Variants in ZFYVE26 observed in about 807,000 individuals in gnomAD.
The protein encoded by ZFYVE26 is zinc finger FYVE domain-containing protein 26.
ZFYVE26 carries 181 observed loss-of-function variants against 276.5 expected under a neutral mutation model. The ratio of observed to expected loss-of-function variants is 0.65; its 90% CI spans 0.58 to 0.74. The LOEUF (loss-of-function observed/expected upper bound fraction) is 0.74. Among genes scored for constraint, ZFYVE26 ranks in the 30% least tolerant of loss-of-function variants. The pLI is 0.00. For synonymous variants in ZFYVE26, 1,129 were observed against 1,203.1 expected (o/e 0.94, Z 1.27); for missense variants, 2,821 against 3,097.9 (o/e 0.91, Z 2.12).
At chr14:67,804,926 G>T (rs934853435) in intron 8 of ZFYVE26, among the ~76,000 whole-genome samples, 5 of 152,210 alleles carry the variant, frequency 3.3e-5, no homozygotes, top group African/African-American at 1.2e-4. Flanking sequence ...TCCATGTAAA[G>T]GGCTTAGAAC....
At chr14:67,789,197 T>C (rs2039742938) in intron 16 of ZFYVE26, 138 bp downstream of exon 16, 9 of 1,190,664 alleles carry the variant, frequency 7.6e-6, no homozygotes, top group South Asian at 2.5e-5. Context: ...TGCCATCAGA[T>C]TGTATGTGAC....
At chr14:67,791,034 A>C (rs1430245482) in intron 14 of ZFYVE26, among the ~76,000 whole-genome samples, 1 of 152,254 alleles carries the variant, frequency 6.6e-6, no homozygotes, top group African/African-American at 2.4e-5. Context: ...CTAATATATA[A>C]ATGAGAAAAT....
intron 34 of ZFYVE26, 60 bp downstream of exon 34, chr14:67,762,143 G>T: frequency 6.4e-7 from 1 of 1,558,738 alleles, no homozygotes; most frequent in South Asian, 1.1e-5. Flanking sequence ...CTTTTCCCAG[G>T]TCATTGCTAT....
At chr14:67,742,838 C>CTTTTTTTTTTTTTTTTTT (rs71446342), downstream of ZFYVE26, among the ~76,000 whole-genome samples, 9 of 89,768 alleles carry the variant, frequency 1.0e-4, no homozygotes, top group African/African-American at 4.4e-4. Context: ...TCTTCTTCTT[C>CTTTTTTTTTTTTTTTTTT]TTTTTTTTTT....
chr14:67,767,572 C>T, intron 31 of ZFYVE26, 132 bp downstream of exon 31: 1 of 1,225,840 alleles, frequency 8.2e-7, no homozygotes, highest in South Asian at 1.3e-5. Context: ...AATGGATTTA[C>T]TGGTTTAGCT....
At chr14:67,786,458 C>T (rs578244097) in intron 16 of ZFYVE26, among the ~76,000 whole-genome samples, 8 of 152,324 alleles carry the variant, frequency 5.3e-5, no homozygotes, top group African/African-American at 1.9e-4. Context: ...ACAACATCAG[C>T]AGATTCAGAA....
At chr14:67,785,605 C>T (rs2039628579) in intron 18 of ZFYVE26, among the ~76,000 whole-genome samples, 1 of 151,148 alleles carries the variant, frequency 6.6e-6, no homozygotes. Context: ...TTACTAAGCA[C>T]CTGCTGGCTG....
In ZFYVE26 at chr14:67,815,856, T is replaced by A; in HGVS notation, c.108A>T (p.Val36=). 1 of 1,614,118 alleles carries A rather than the reference T, an allele frequency of 6.2e-7. No homozygotes were observed. The highest frequency in any genetic ancestry group is 8.5e-7 in the Non-Finnish European group (1 of 1,180,026). Residue 36 remains valine, a synonymous_variant, in exon 2 of 42, where the codon GTA becomes GTT. Transcript: ENST00000347230. ...RGEWELAQAC[V]PQLQEGQGDI... is the part of the protein sequence containing the mutation. The stretch of plus-strand genomic sequence containing the variant: ...CCCCTTGTCCCTCCTGTAGCTGAGG[T>A]ACACATGCCTGTGCCAGCTCCCATT...
At chr14:67,740,027 A>G (rs895214656) in intron 13 of ZFYVE26, among the ~76,000 whole-genome samples, 1 of 152,166 alleles carries the variant, frequency 6.6e-6, no homozygotes, top group Non-Finnish European at 1.5e-5. Context: ...AAAAAAATCA[A>G]TGGTTCCATT....
intron 33 of ZFYVE26, 24 bp downstream of exon 33, chr14:67,762,648 G>C (rs1821230177): frequency 6.2e-7 from 1 of 1,611,974 alleles, no homozygotes; most frequent in African/African-American, 1.3e-5. Context: ...GTGGAAGTAA[G>C]CTTTGTCTTT....
intron 35 of ZFYVE26, among the ~76,000 whole-genome samples, chr14:67,758,436 G>T (rs7152299): frequency 6.6e-6 from 1 of 152,022 alleles, no homozygotes; most frequent in Admixed American, 6.5e-5. Context: ...ACTAGGTCAG[G>T]TGCCTGAATA....
Position 67,814,030 on chromosome 14 carries a change from A to T in ZFYVE26, c.229T>A (p.Trp77Arg). ...GQDINPQRVA[W>R]VWLLVLEKWL... The stretch of plus-strand genomic sequence containing the variant: ...TTCTCCAGTACAAGAAGCCAGACCC[A>T]GGCTACTCTTTGAGGGTTGATGTCC... The change falls in exon 3 of 42, where the codon TGG becomes AGG. Residue 77 changes from tryptophan to arginine, a missense_variant. Physicochemically the swap from Trp to Arg is moderately radical, Grantham distance 101. Transcript: ENST00000347230. 2 of 1,614,072 alleles carry T rather than the reference A, an allele frequency of 1.2e-6. No individual in the cohort carries two copies. The highest frequency in any genetic ancestry group is 1.7e-6 in the Non-Finnish European group (2 of 1,179,968).
At chr14:67,792,015 G>A (rs1386387803) in intron 14 of ZFYVE26, among the ~76,000 whole-genome samples, 1 of 149,052 alleles carries the variant, frequency 6.7e-6, no homozygotes, top group Admixed American at 6.7e-5. Context: ...AGCCGAGATC[G>A]AGCCACTGCA....
At chr14:67,729,975 A>C (rs186285623) in intron 13 of ZFYVE26, among the ~76,000 whole-genome samples, 1 of 152,336 alleles carries the variant, frequency 6.6e-6, no homozygotes, top group East Asian at 1.9e-4. Flanking sequence ...CGCTTTGTTC[A>C]AGGCTTTTCA....
rs781171224 is a variant in ZFYVE26 at position 67,786,026 on chromosome 14, T to A, written c.3140-4A>T. 3 of 1,614,146 alleles carry A rather than the reference T, an allele frequency of 1.9e-6. No individual in the cohort carries two copies. The South Asian group carries it at 3.3e-5, about 18-fold the overall frequency. On this transcript the variant is annotated splice_region_variant and splice_polypyrimidine_tract_variant and intron_variant, in intron 17 of 41. Coordinates refer to ENST00000347230, the MANE Select transcript of ZFYVE26 (RefSeq NM_015346.4). ...CCTCCCTTTTCTTCCACACTCTCTATGGAAAGCAAATGAGAAAGAAAAAGT... is the reference window on the plus strand; with the variant it reads ...CCTCCCTTTTCTTCCACACTCTCTAAGGAAAGCAAATGAGAAAGAAAAAGT...
chr14:67,785,232 T>A lies in ZFYVE26; in HGVS notation c.3350A>T (p.Gln1117Leu). 6.2e-7 allele frequency: 1 copy of A among 1,613,398 alleles called. No individual in the cohort carries two copies. The highest frequency in any genetic ancestry group is 1.7e-5 in the Admixed American group (1 of 59,866). Reference protein sequence around the residue: ...PLSSLVEQAAQKAPEAEAHPV... With the variant: ...PLSSLVEQAALKAPEAEAHPV... ...GTGGGCCTCTGCCTCTGGAGCTTTC[T>A]GGGCTGCCTGCTCCACCAGGGAAGA... Residue 1117 changes from glutamine (Q) to leucine (L), a missense_variant, in exon 19 of 42, where the codon CAG (glutamine) becomes CTG (leucine). By Grantham distance (113) the Gln-to-Leu change is moderately radical. Coordinates refer to ENST00000347230, the MANE Select transcript of ZFYVE26 (RefSeq NM_015346.4).
At chr14:67,788,347 G>A (rs1326568810) in intron 16 of ZFYVE26, among the ~76,000 whole-genome samples, 2 of 152,198 alleles carry the variant, frequency 1.3e-5, no homozygotes, top group Non-Finnish European at 2.9e-5. Flanking sequence ...AGTGAGCCGA[G>A]ACTGTGCCAC....
Position 67,785,998 on chromosome 14 carries a change from C to T in ZFYVE26, c.3164G>A (p.Gly1055Asp). ...TTCAGTGATGCTGCACCGTGGAGGG[C>T]CTCCTCCCTTTTCTTCCACACTCTC... ...KSESVEEKGGGPPRCSITELL... is the reference protein window; with the variant it reads ...KSESVEEKGGDPPRCSITELL... Residue 1055 changes from glycine (G) to aspartate (D), a missense_variant, in exon 18 of 42, where the codon GGC becomes GAC. Physicochemically the swap from Gly to Asp is moderately conservative, Grantham distance 94. Transcript: ENST00000347230. 3 of 1,614,184 alleles carry T rather than the reference C, an allele frequency of 1.9e-6. No individual in the cohort carries two copies. Among genetic ancestry groups the T allele is most frequent in the Non-Finnish European group, 2.5e-6 (3 of 1,180,034 alleles).
At position 67,805,607 on chromosome 14, in the gene ZFYVE26, T is replaced by A. The variant is rs1010911729; in HGVS notation, c.1029A>T (p.Leu343=). 1.2e-6 allele frequency: 2 copies of A among 1,614,040 alleles called. No individual in the cohort carries two copies. The highest frequency in any genetic ancestry group is 1.7e-6 in the Non-Finnish European group (2 of 1,180,040). The change falls in exon 7 of 42, where the codon CTA becomes CTT. Residue 343 remains leucine (L), a synonymous_variant. Coordinates refer to ENST00000347230, the MANE Select transcript of ZFYVE26 (RefSeq NM_015346.4). ...HFLEQILVTA[L]TLLKEEDFPN... ...GGAAGTCTTCTTCTTTCAACAATGT[T>A]AGTGCTGTTACCTGTAAGTCAAAGA...
Sources: gnomAD v4.1 joint callset for allele counts (sites outside exome capture counted in the v4.1 genomes callset) on GRCh38, gnomAD v4.1.1 for gene constraint, MANE v1.5 for transcripts, NCBI Gene and HGNC (gene_info 2026-07-23, HGNC 2026-07-21) for gene names.